The following CMSS1 variants were observed in gnomAD, a reference collection of about 807,000 sequenced individuals.
CMSS1 encodes the protein protein CMSS1.
CMSS1 carries 33 observed loss-of-function variants against 43.5 expected under a neutral mutation model. The ratio of observed to expected loss-of-function variants is 0.76; its 90% CI spans 0.57 to 1.01. The LOEUF (loss-of-function observed/expected upper bound fraction) is 1.01, where lower values mean the gene tolerates loss of function less well. CMSS1 is among the 50% of genes least tolerant of loss of function. The probability of loss-of-function intolerance (pLI) is 0.00; values close to 1 mark genes in which losing one functional copy is unlikely to be tolerated. For synonymous variants in CMSS1, 115 were observed against 117.2 expected (o/e 0.98, Z 0.12); for missense variants, 313 against 326.4 (o/e 0.96, Z 0.32).
intron 1 of CMSS1, among the ~76,000 whole-genome samples, chr3:100,077,650 C>T (rs1217938138): frequency 6.6e-6 from 1 of 152,096 alleles, no homozygotes; most frequent in Non-Finnish European, 1.5e-5. Context: ...TGGCTTTGCC[C>T]AGTGGCTCAC....
chr3:99,983,424 G>A (rs9879645), intron 1 of CMSS1, among the ~76,000 whole-genome samples: 739 of 53,914 alleles, frequency 0.014, 19 homozygotes, highest in African/African-American at 0.047. Context: ...ATATATGTAT[G>A]TATGTATGTA....
intron 1 of CMSS1, among the ~76,000 whole-genome samples, chr3:99,983,379 TAA>T (rs1709185440): frequency 4.9e-5 from 1 of 20,324 alleles, no homozygotes; most frequent in East Asian, 3.1e-3. Flanking sequence ...ACTTAAAAAA[TAA>T]ATAAATAAAT....
At chr3:100,112,597 A>G (rs2107480280) in intron 1 of CMSS1, among the ~76,000 whole-genome samples, 1 of 152,342 alleles carries the variant, frequency 6.6e-6, no homozygotes, top group South Asian at 2.1e-4. Context: ...CTAAAAATAA[A>G]TTGTCACTCT....
intron 2 of CMSS1, among the ~76,000 whole-genome samples, chr3:100,155,706 T>C (rs893474923): frequency 3.9e-5 from 6 of 152,230 alleles, no homozygotes; most frequent in African/African-American, 1.4e-4. Context: ...GTAAATTTTT[T>C]GAGACTTCAT....
intron 1 of CMSS1, among the ~76,000 whole-genome samples, chr3:99,935,742 A>G (rs1707645083): frequency 6.6e-6 from 1 of 152,244 alleles, no homozygotes; most frequent in Non-Finnish European, 1.5e-5. Context: ...ATGGATACAA[A>G]TACAGTGCAG....
chr3:100,097,255 G>A (rs1001621679), intron 1 of CMSS1, among the ~76,000 whole-genome samples: 4 of 152,182 alleles, frequency 2.6e-5, no homozygotes, highest in Non-Finnish European at 5.9e-5. Context: ...CATCCCATCC[G>A]TGGAAAAATT....
At chr3:100,063,717 T>G (rs1177755882) in intron 1 of CMSS1, among the ~76,000 whole-genome samples, 1 of 146,520 alleles carries the variant, frequency 6.8e-6, no homozygotes, top group African/African-American at 2.4e-5. Flanking sequence ...TTTTTCTAGT[T>G]TGCAAGGTTG....
chr3:99,833,481 A>G (rs369170696), intron 1 of CMSS1, among the ~76,000 whole-genome samples: 3 of 152,348 alleles, frequency 2.0e-5, no homozygotes, highest in South Asian at 4.1e-4. Context: ...CTATAGCCCA[A>G]TTTCTACATG....
At chr3:100,005,424 T>C (rs1020422889) in intron 1 of CMSS1, among the ~76,000 whole-genome samples, 2 of 152,180 alleles carry the variant, frequency 1.3e-5, no homozygotes, top group Non-Finnish European at 2.9e-5. Flanking sequence ...TGGGTGCTTA[T>C]TAAAAATGTA....
At chr3:99,872,260 G>T (rs1257793215) in intron 1 of CMSS1, among the ~76,000 whole-genome samples, 1 of 128,042 alleles carries the variant, frequency 7.8e-6, no homozygotes, top group Admixed American at 7.7e-5. Context: ...TGGATATTCT[G>T]TGCCAGGACT....
chr3:99,976,414 C>A (rs1051265554), intron 1 of CMSS1, among the ~76,000 whole-genome samples: 2 of 152,264 alleles, frequency 1.3e-5, no homozygotes, highest in Non-Finnish European at 2.9e-5. Flanking sequence ...AAAAGAAATT[C>A]ATAGATATCA....
intron 1 of CMSS1, among the ~76,000 whole-genome samples, chr3:99,939,698 T>G (rs1311900463): frequency 6.6e-6 from 1 of 152,206 alleles, no homozygotes; most frequent in Non-Finnish European, 1.5e-5. Context: ...AATGAAAACT[T>G]CTTCCAGTTT....
chr3:100,088,137 A>C (rs768887799), intron 1 of CMSS1, among the ~76,000 whole-genome samples: 2 of 152,144 alleles, frequency 1.3e-5, no homozygotes, highest in Non-Finnish European at 2.9e-5. Context: ...GGCTCTAACT[A>C]TAATTTTTTT....
intron 1 of CMSS1, among the ~76,000 whole-genome samples, chr3:99,991,900 A>C (rs189626128): frequency 6.7e-6 from 1 of 149,310 alleles, no homozygotes; most frequent in African/African-American, 2.5e-5. Flanking sequence ...ATGTGTGTAT[A>C]TATATACATA....
intron 1 of CMSS1, among the ~76,000 whole-genome samples, chr3:99,918,799 C>A (rs905869804): frequency 2.6e-5 from 4 of 152,164 alleles, no homozygotes; most frequent in Non-Finnish European, 5.9e-5. Context: ...TATAGAATTA[C>A]AATAACAAAA....
chr3:99,904,146 A>T (rs985824807), intron 1 of CMSS1, among the ~76,000 whole-genome samples: 1 of 152,230 alleles, frequency 6.6e-6, no homozygotes, highest in Non-Finnish European at 1.5e-5. Flanking sequence ...AGTGAGTGTG[A>T]TGAATGTTTT....
chr3:100,142,032 A>G (rs2066809698), intron 1 of CMSS1, among the ~76,000 whole-genome samples: 1 of 152,246 alleles, frequency 6.6e-6, no homozygotes, highest in Non-Finnish European at 1.5e-5. Flanking sequence ...TTTGGAATCA[A>G]AAAACATCAC....
At chr3:100,143,559 T>C (rs2066821485) in intron 1 of CMSS1, among the ~76,000 whole-genome samples, 1 of 152,246 alleles carries the variant, frequency 6.6e-6, no homozygotes, top group Non-Finnish European at 1.5e-5. Flanking sequence ...GTTGATTATA[T>C]CCTATTGCTT....
At chr3:99,878,874 C>T (rs1705628320) in intron 1 of CMSS1, among the ~76,000 whole-genome samples, 1 of 152,186 alleles carries the variant, frequency 6.6e-6, no homozygotes, top group African/African-American at 2.4e-5. Context: ...ATTTCCTTCC[C>T]TCTTTCAACC....
Sources: gnomAD v4.1 joint callset for allele counts (sites outside exome capture counted in the v4.1 genomes callset) on GRCh38, gnomAD v4.1.1 for gene constraint, MANE v1.5 for transcripts, NCBI Gene and HGNC (gene_info 2026-07-23, HGNC 2026-07-21) for gene names.